SATB2: variants seen among roughly 807,000 people sequenced by gnomAD.
The protein encoded by SATB2 is SATB homeobox 2.
In SATB2, 1 loss-of-function variant was observed where a neutral mutation model predicts 73.4. That is an observed-to-expected ratio of 0.01 (90% confidence interval 0.00 to 0.06). The LOEUF (loss-of-function observed/expected upper bound fraction) is 0.06, where lower values mean the gene tolerates loss of function less well. SATB2 is among the 10% of genes least tolerant of loss of function. SATB2 has a pLI of 1.00. For synonymous variants in SATB2, 397 were observed against 367.0 expected (o/e 1.08, Z -0.93); for missense variants, 459 against 945.8 (o/e 0.49, Z 6.75).
intron 3 of SATB2, among the ~76,000 whole-genome samples, chr2:199,433,085 G>T (rs778257111): frequency 2.0e-5 from 3 of 152,142 alleles, no homozygotes. Context: ...GAAAATAACA[G>T]TGTTATAAAT....
intron 10 of SATB2, among the ~76,000 whole-genome samples, chr2:199,284,727 C>T (rs1271603952): frequency 2.6e-5 from 4 of 151,488 alleles, no homozygotes; most frequent in Non-Finnish European, 2.9e-5. Flanking sequence ...ATAGTTGGCC[C>T]ACCATATCCA....
intron 7 of SATB2, among the ~76,000 whole-genome samples, chr2:199,337,834 T>C (rs536757456): frequency 2.8e-4 from 42 of 152,284 alleles, no homozygotes; most frequent in South Asian, 8.3e-4. Flanking sequence ...TGAGCAAATA[T>C]GCAATTAACC....
chr2:199,406,714 T>G (rs374988257), intron 3 of SATB2, among the ~76,000 whole-genome samples: 1 of 151,846 alleles, frequency 6.6e-6, no homozygotes, highest in Non-Finnish European at 1.5e-5. Flanking sequence ...AAAGGTACAA[T>G]AAGGGCATTC....
At chr2:199,443,385 G>C (rs1338416907) in intron 2 of SATB2, among the ~76,000 whole-genome samples, 1 of 151,828 alleles carries the variant, frequency 6.6e-6, no homozygotes, top group Non-Finnish European at 1.5e-5. Flanking sequence ...ATTTCTAGTG[G>C]GAATATTTCA....
intron 3 of SATB2, among the ~76,000 whole-genome samples, chr2:199,411,915 T>C (rs1690831547): frequency 6.6e-6 from 1 of 152,216 alleles, no homozygotes; most frequent in Admixed American, 6.5e-5. Flanking sequence ...ATAACCTCAA[T>C]TGTAATTGAA....
At chr2:199,467,003 G>A (rs1470635359), upstream of SATB2, among the ~76,000 whole-genome samples, 1 of 152,262 alleles carries the variant, frequency 6.6e-6, no homozygotes, top group African/African-American at 2.4e-5. Flanking sequence ...AACTCAGATA[G>A]AATCACATCT....
chr2:199,330,346 A>T (rs908917327), intron 7 of SATB2, among the ~76,000 whole-genome samples: 1 of 152,230 alleles, frequency 6.6e-6, no homozygotes, highest in Non-Finnish European at 1.5e-5. Flanking sequence ...TTACTACAAG[A>T]AACTTACAAG....
chr2:199,425,046 T>C (rs1691285371), intron 3 of SATB2, among the ~76,000 whole-genome samples: 1 of 152,190 alleles, frequency 6.6e-6, no homozygotes, highest in African/African-American at 2.4e-5. Context: ...ACATTTAAAA[T>C]CTATAAGTTA....
Position 199,308,798 on chromosome 2 carries a change from T to C in SATB2, c.1702A>G (p.Met568Val). 1 of 1,614,120 alleles carries C rather than the reference T, an allele frequency of 6.2e-7. No homozygotes were observed. Among genetic ancestry groups the C allele is most frequent in the Non-Finnish European group, 8.5e-7 (1 of 1,180,010 alleles). ...GGGGGAAGCTGGACCACGTGTTGCA[T>C]GCGTTCGCTGTGGTGATGCCTTGAC... ...EESRHHHSER[M>V]QHVVQLPPEP... is the part of the protein sequence containing the mutation. Residue 568 changes from methionine (M) to valine (V), a missense_variant, in exon 10 of 11, where the codon ATG (methionine) becomes GTG (valine). Physicochemically the swap from Met to Val is conservative, Grantham distance 21. Coordinates refer to ENST00000417098, the MANE Select transcript of SATB2 (RefSeq NM_001172509.2). The surrounding 1 kb of genome is among the most constrained non-coding windows in gnomAD (Gnocchi z 4.6).
At chr2:199,430,090 G>C (rs1473931963) in intron 3 of SATB2, among the ~76,000 whole-genome samples, 1 of 152,180 alleles carries the variant, frequency 6.6e-6, no homozygotes, top group African/African-American at 2.4e-5. Context: ...CAATATGAAT[G>C]AATAGCTACT....
At chr2:199,339,968 C>A (rs1688456030) in intron 7 of SATB2, among the ~76,000 whole-genome samples, 1 of 152,090 alleles carries the variant, frequency 6.6e-6, no homozygotes, top group Non-Finnish European at 1.5e-5. Flanking sequence ...TTTAGTAAGT[C>A]CTGAGTCATT....
chr2:199,352,065 G>A (rs895093346), intron 6 of SATB2, among the ~76,000 whole-genome samples: 3 of 152,148 alleles, frequency 2.0e-5, no homozygotes, highest in South Asian at 2.1e-4. Flanking sequence ...TAGAGACGGG[G>A]TTTCACCCAT....
chr2:199,414,699 T>C (rs982130213), intron 3 of SATB2, among the ~76,000 whole-genome samples: 2 of 152,160 alleles, frequency 1.3e-5, no homozygotes, highest in Non-Finnish European at 2.9e-5. Context: ...CAGCCTTTCC[T>C]GCTTGTCACG....
At chr2:199,277,003 CA>C (rs1316653092) in intron 10 of SATB2, among the ~76,000 whole-genome samples, 4 of 152,228 alleles carry the variant, frequency 2.6e-5, no homozygotes, top group African/African-American at 9.6e-5. Context: ...TTGCTATATA[CA>C]CAAACATAGA....
intron 10 of SATB2, among the ~76,000 whole-genome samples, chr2:199,277,968 T>C (rs1387952135): frequency 2.0e-5 from 3 of 152,160 alleles, no homozygotes; most frequent in Non-Finnish European, 4.4e-5. Flanking sequence ...CCCTTAAACA[T>C]TATGGTCTCC....
chr2:199,470,615 T>C (rs1243907312), intron 1 of SATB2: 1 of 152,352 alleles, frequency 6.6e-6, no homozygotes, highest in East Asian at 1.9e-4. Flanking sequence ...CACCAACAGC[T>C]TATTCTACAA....
At chr2:199,349,735 A>G (rs971812278) in intron 6 of SATB2, among the ~76,000 whole-genome samples, 4 of 152,196 alleles carry the variant, frequency 2.6e-5, no homozygotes, top group African/African-American at 7.2e-5. Flanking sequence ...ATGTTTCTTT[A>G]AGAAATTGAT....
At chr2:199,273,704 T>C (rs1359565348) in intron 10 of SATB2, among the ~76,000 whole-genome samples, 1 of 152,248 alleles carries the variant, frequency 6.6e-6, no homozygotes, top group African/African-American at 2.4e-5. Flanking sequence ...TCCTCTGTTT[T>C]GCATATACTT....
At chr2:199,340,113 C>G (rs1688460485) in intron 7 of SATB2, among the ~76,000 whole-genome samples, 1 of 152,146 alleles carries the variant, frequency 6.6e-6, no homozygotes, top group Non-Finnish European at 1.5e-5. Flanking sequence ...CCTGATACAT[C>G]GTTCAATCTA....
Sources: allele counts gnomAD v4.1 joint callset (sites outside exome capture counted in the v4.1 genomes callset), GRCh38; gene constraint gnomAD v4.1.1; non-coding constraint Gnocchi (gnomAD v3.1); transcripts MANE v1.5; gene names NCBI Gene and HGNC (gene_info 2026-07-23, HGNC 2026-07-21).